CYP46A1: variants seen among roughly 807,000 people sequenced by gnomAD.
CYP46A1 encodes the protein cytochrome P450 family 46 subfamily A member 1.
Under a neutral mutation model 63.3 loss-of-function variants are expected in CYP46A1, and 20 were observed. The observed-to-expected ratio is 0.32, with a 90% CI of 0.22 to 0.46. The LOEUF (loss-of-function observed/expected upper bound fraction) is 0.46, where lower values mean the gene tolerates loss of function less well. Ranked by LOEUF, CYP46A1 falls within the 20% of genes least tolerant of loss-of-function variation. The pLI is 1.00. For missense variants in CYP46A1, 445 were observed against 670.8 expected, an observed-to-expected ratio of 0.66 and a Z score of 3.72; for synonymous variants, 268 against 273.6, an observed-to-expected ratio of 0.98 and a Z score of 0.20.
intron 1 of CYP46A1, among the ~76,000 whole-genome samples, chr14:99,688,372 C>A (rs2056513323): frequency 6.6e-6 from 1 of 152,138 alleles, no homozygotes; most frequent in South Asian, 2.1e-4. Context: ...CCCATCACCT[C>A]CCCCTCCATC....
intron 5 of CYP46A1, chr14:99,703,694 C>A: frequency 2.1e-6 from 2 of 971,610 alleles, no homozygotes; most frequent in Non-Finnish European, 1.2e-6. Flanking sequence ...CAATGTAGTG[C>A]TTCCATTCAT....
chr14:99,711,970 G>T (rs749111644), intron 7 of CYP46A1: 6 of 152,014 alleles, frequency 3.9e-5, no homozygotes, highest in Non-Finnish European at 7.4e-5. Flanking sequence ...GGGATGCAAG[G>T]GTGCTTCAAC....
At chr14:99,701,111 G>A (rs1213965893) in intron 5 of CYP46A1, among the ~76,000 whole-genome samples, 1 of 152,174 alleles carries the variant, frequency 6.6e-6, no homozygotes, top group African/African-American at 2.4e-5. Context: ...TAAGCTAAAT[G>A]TTATTACAAG....
At chr14:99,689,457 A>G (rs2056524522) in intron 1 of CYP46A1, among the ~76,000 whole-genome samples, 1 of 152,168 alleles carries the variant, frequency 6.6e-6, no homozygotes, top group Admixed American at 6.5e-5. Context: ...CTACCCCAGA[A>G]GTGGAGGGGC....
chr14:99,686,339 T>TA (rs968565168), intron 1 of CYP46A1, among the ~76,000 whole-genome samples: 3 of 152,114 alleles, frequency 2.0e-5, no homozygotes, highest in Non-Finnish European at 4.4e-5. Context: ...TAAATCATCT[T>TA]AAAAAAAATT....
intron 1 of CYP46A1, 23 bp from the exon 2 acceptor site, chr14:99,691,058 C>G: frequency 6.2e-7 from 1 of 1,611,796 alleles, no homozygotes; most frequent in African/African-American, 1.3e-5. Context: ...GCTGGTAAGC[C>G]TAATGTTTCC....
At chr14:99,720,893 T>C (rs1213189413) in intron 10 of CYP46A1, among the ~76,000 whole-genome samples, 1 of 149,602 alleles carries the variant, frequency 6.7e-6, no homozygotes, top group Non-Finnish European at 1.5e-5. Context: ...AAGACCAGCC[T>C]GGCCAACATG....
chr14:99,688,515 C>T lies in CYP46A1; in HGVS notation c.120-2566C>T, dbSNP rs539795800. Among the ~76,000 whole-genome samples the T allele has an allele frequency of 2.2e-3, 333 of 152,302 alleles. 1 individual carries two copies. The highest frequency in any genetic ancestry group is 3.6e-3 in the Non-Finnish European group (246 of 68,016). ...GGCCCACGCACACCTTCCAGCTGTT[C>T]CGGGAGGGTAGCCCAGGCCAACCTG... On this transcript the variant is annotated intron_variant, in intron 1 of 14. Transcript: ENST00000261835.
In CYP46A1 at chr14:99,721,265, T is replaced by C; in HGVS notation, c.1007T>C (p.Ile336Thr). The change falls in exon 11 of 15, where the codon ATT (isoleucine) becomes ACT (threonine). Residue 336 changes from isoleucine (I) to threonine (T), a missense_variant. Physicochemically the swap from Ile to Thr is moderately conservative, Grantham distance 89. Around this residue, in one of 4 missense-constraint regions of CYP46A1, gnomAD observed 95 missense variants for 156.9 expected, o/e 0.61. Coordinates refer to ENST00000261835, the MANE Select transcript of CYP46A1 (RefSeq NM_006668.2). ...CTGCAGGCCGAGGTGGATGAGGTCA[T>C]TGGTTCTAAGAGGTACCTGGATTTC... ...ARLQAEVDEV[I>T]GSKRYLDFED... 6.2e-7 allele frequency: 1 copy of C among 1,614,078 alleles called. No homozygotes were observed. The highest frequency in any genetic ancestry group is 8.5e-7 in the Non-Finnish European group (1 of 1,179,970).
intron 7 of CYP46A1, chr14:99,711,481 A>G (rs2056731566): frequency 1.3e-5 from 2 of 152,080 alleles, no homozygotes; most frequent in Non-Finnish European, 2.9e-5. Flanking sequence ...ACAAAGGAAC[A>G]TTACAGATTT....
At chr14:99,691,670 G>A (rs1240442362) in intron 2 of CYP46A1, 110 bp from the exon 3 acceptor site, 3 of 983,946 alleles carry the variant, frequency 3.0e-6, no homozygotes, top group Middle Eastern at 4.2e-4. Context: ...TTGGTAGCAT[G>A]CATTGAGCAC....
chr14:99,708,685 G>C (rs374155046), intron 7 of CYP46A1: 1 of 155,042 alleles, frequency 6.4e-6, no homozygotes, highest in Non-Finnish European at 1.4e-5. Flanking sequence ...ATGCCATCTG[G>C]AGGCCTGGGG....
At chr14:99,695,468 T>C (rs2140116615) in intron 3 of CYP46A1, 1 of 438,282 alleles carries the variant, frequency 2.3e-6, no homozygotes, top group Non-Finnish European at 4.6e-6. Flanking sequence ...TGAAGTTCTG[T>C]TATCAGGTGT....
chr14:99,716,117 A>C lies in CYP46A1; in HGVS notation c.845-20A>C. 3.7e-6 allele frequency: 6 copies of C among 1,614,096 alleles called. No homozygotes were observed. Among genetic ancestry groups the C allele is most frequent in the Non-Finnish European group, 5.1e-6 (6 of 1,179,952 alleles). On this transcript the variant is annotated intron_variant, in intron 8 of 14. Coordinates refer to ENST00000261835, the MANE Select transcript of CYP46A1 (RefSeq NM_006668.2). ...GGGAGCAAAGATTTGCTGGGAACTG[A>C]GACTCTCCTTGTTTTTCAGCTGAAG...
At chr14:99,706,875 C>T in intron 6 of CYP46A1, 90 bp downstream of exon 6, 2 of 1,440,100 alleles carry the variant, frequency 1.4e-6, no homozygotes, top group Non-Finnish European at 1.9e-6. Context: ...TCTTCCCCTC[C>T]CTCCTGCTCC....
intron 2 of CYP46A1, chr14:99,691,391 C>T: frequency 1.7e-6 from 1 of 594,842 alleles, no homozygotes; most frequent in Non-Finnish European, 3.0e-6. Context: ...CTCTGAGCCT[C>T]AGTTTCCTCA....
Position 99,685,060 on chromosome 14 carries a change from C to T in CYP46A1, c.119+524C>T, listed in dbSNP as rs376728022. ...ATTGCATTCTTGGTCCCCACCCCCA[C>T]GCAACTTACACCCCCCTCAACTTGC... On this transcript the variant is annotated intron_variant, in intron 1 of 14. Coordinates refer to ENST00000261835, the MANE Select transcript of CYP46A1 (RefSeq NM_006668.2). Among the ~76,000 whole-genome samples, 39 of 50,864 alleles carry T rather than the reference C, an allele frequency of 7.7e-4. 1 individual carries two copies. In the South Asian group the frequency reaches 0.025, roughly 32 times the overall value. 33.4% of individuals were successfully genotyped at this position (50,864 alleles called of 152,430 possible).
At position 99,724,777 on chromosome 14, in the gene CYP46A1, C is replaced by T. The variant is rs1269363896; in HGVS notation, c.1177-614C>T. On this transcript the variant is annotated intron_variant, in intron 12 of 14. Coordinates refer to ENST00000261835, the MANE Select transcript of CYP46A1 (RefSeq NM_006668.2). Reference sequence around the variant, plus strand: ...AGGGCTCCCTGCACCCTCTGCTGCACTGACCCCCAGCACAGAGAGCCAGGG... The same window carrying T: ...AGGGCTCCCTGCACCCTCTGCTGCATTGACCCCCAGCACAGAGAGCCAGGG... 2.0e-5 allele frequency among the ~76,000 whole-genome samples: 3 copies of T among 152,238 alleles called. No homozygotes were observed. The East Asian group carries it at 5.8e-4, about 29-fold the overall frequency.
intron 7 of CYP46A1, chr14:99,707,907 T>A: frequency 1.9e-6 from 1 of 516,472 alleles, no homozygotes; most frequent in African/African-American, 1.9e-5. Context: ...TGTGAAATGA[T>A]CCCCAAAGCA....
Sources: allele counts gnomAD v4.1 joint callset (sites outside exome capture counted in the v4.1 genomes callset), GRCh38; gene constraint gnomAD v4.1.1; regional missense constraint gnomAD v4.1.1; transcripts MANE v1.5; gene names NCBI Gene and HGNC (gene_info 2026-07-23, HGNC 2026-07-21).